ADGRB3: variants seen among roughly 807,000 people sequenced by gnomAD.
The protein encoded by ADGRB3 is adhesion G protein-coupled receptor B3, also known as brain-specific angiogenesis inhibitor 3.
ADGRB3 carries 37 observed loss-of-function variants against 193.4 expected under a neutral mutation model. That is an observed-to-expected ratio of 0.19 (90% confidence interval 0.15 to 0.25). The LOEUF (loss-of-function observed/expected upper bound fraction) is 0.25. ADGRB3 is among the 10% of genes least tolerant of loss of function. The probability of loss-of-function intolerance (pLI) is 1.00; values close to 1 mark genes in which losing one functional copy is unlikely to be tolerated. For missense variants in ADGRB3, 1,637 were observed against 1,852.9 expected (o/e 0.88, Z 2.14); for synonymous variants, 690 against 644.2 (o/e 1.07, Z -1.08).
At chr6:68,991,121 T>C (rs1277990117) in intron 10 of ADGRB3, among the ~76,000 whole-genome samples, 1 of 152,136 alleles carries the variant, frequency 6.6e-6, no homozygotes, top group Non-Finnish European at 1.5e-5. Context: ...AGGTAGTGTG[T>C]TTGTCTCATG....
intron 8 of ADGRB3, among the ~76,000 whole-genome samples, chr6:68,969,634 C>G (rs1447045756): frequency 6.6e-6 from 1 of 152,142 alleles, no homozygotes; most frequent in Non-Finnish European, 1.5e-5. Flanking sequence ...TGGAGGAGAA[C>G]AGTACCACTT....
At chr6:69,226,168 G>A (rs1289268693) in intron 17 of ADGRB3, among the ~76,000 whole-genome samples, 1 of 152,160 alleles carries the variant, frequency 6.6e-6, no homozygotes, top group Non-Finnish European at 1.5e-5. Context: ...TGACACAAAA[G>A]CAGTGACACT....
At chr6:68,799,847 G>A (rs1767278930) in intron 3 of ADGRB3, among the ~76,000 whole-genome samples, 1 of 152,288 alleles carries the variant, frequency 6.6e-6, no homozygotes, top group African/African-American at 2.4e-5. Flanking sequence ...AATAATCTTA[G>A]CATGCAGTAG....
At position 69,297,406 on chromosome 6, in the gene ADGRB3, C is replaced by CTATA. The variant is rs1289730081; in HGVS notation, c.2815-27465_2815-27464insATAT. ...TCTCTCTCTCTATCTCTCTCTCTCT[C>CTATA]TCTCTATATATATATATATATGCTT... On this transcript the variant is annotated intron_variant, in intron 20 of 31. Coordinates refer to ENST00000370598, the MANE Select transcript of ADGRB3 (RefSeq NM_001704.3). Among the ~76,000 whole-genome samples the CTATA allele has an allele frequency of 1.0e-3, 145 of 144,158 alleles. 1 individual carries two copies. Among genetic ancestry groups the CTATA allele is most frequent in the South Asian group, 2.4e-3 (11 of 4,538 alleles). 94.6% of individuals were successfully genotyped at this position (144,158 alleles called of 152,430 possible).
At chr6:69,279,954 C>T (rs1285539659) in intron 20 of ADGRB3, among the ~76,000 whole-genome samples, 3 of 152,168 alleles carry the variant, frequency 2.0e-5, no homozygotes, top group East Asian at 1.9e-4. Context: ...AAGCCTCCTA[C>T]TGCTTTCAGC....
chr6:69,141,128 T>TGG (rs1554153879), intron 17 of ADGRB3, among the ~76,000 whole-genome samples: 3 of 121,566 alleles, frequency 2.5e-5, no homozygotes, highest in Non-Finnish European at 3.6e-5. Flanking sequence ...TCTTTTTTTT[T>TGG]GGGGGGGGCG....
At chr6:68,776,816 C>G (rs1034557855) in intron 3 of ADGRB3, among the ~76,000 whole-genome samples, 1 of 152,098 alleles carries the variant, frequency 6.6e-6, no homozygotes, top group African/African-American at 2.4e-5. Flanking sequence ...TATTAATCTT[C>G]TTTAATTTTC....
In ADGRB3 at chr6:68,782,320, G is replaced by T. The variant is rs180680180; in HGVS notation, c.757+142888G>T. ...CATGAACTCATCATTTTTTATGGCT[G>T]CATAGTATTCCATGGTGTATATGTG... is the stretch of plus-strand genomic sequence containing the variant. On this transcript the variant is annotated intron_variant, in intron 3 of 31. Coordinates refer to ENST00000370598, the MANE Select transcript of ADGRB3 (RefSeq NM_001704.3). Among the ~76,000 whole-genome samples the T allele has an allele frequency of 2.0e-3, 299 of 151,824 alleles. 2 individuals are homozygous for T. Among genetic ancestry groups the T allele is most frequent in the Admixed American group, 0.011 (168 of 15,246 alleles).
At chr6:68,777,318 A>C (rs937523303) in intron 3 of ADGRB3, among the ~76,000 whole-genome samples, 3 of 152,152 alleles carry the variant, frequency 2.0e-5, no homozygotes, top group African/African-American at 7.2e-5. Context: ...TTCAAACGTC[A>C]ACATTTTGGT....
intron 28 of ADGRB3, among the ~76,000 whole-genome samples, chr6:69,359,222 T>C (rs936832632): frequency 1.3e-5 from 2 of 151,864 alleles, no homozygotes; most frequent in African/African-American, 4.8e-5. Flanking sequence ...TTGGAGATTT[T>C]TTTTAAGTAT....
intron 20 of ADGRB3, among the ~76,000 whole-genome samples, chr6:69,313,698 G>C (rs1473184641): frequency 1.3e-5 from 2 of 151,706 alleles, no homozygotes; most frequent in Non-Finnish European, 2.9e-5. Flanking sequence ...AGAACATAGT[G>C]TAAATCAGTT....
At chr6:68,971,016 G>C (rs1259144044) in intron 8 of ADGRB3, among the ~76,000 whole-genome samples, 1 of 152,194 alleles carries the variant, frequency 6.6e-6, no homozygotes. Context: ...AGCTTCACCT[G>C]AGATTTCTTT....
chr6:68,843,137 C>T lies in ADGRB3; in HGVS notation c.758-87422C>T, dbSNP rs183463976. ...ATCTGAAACATGATAAGGATGCGCACTTTCACTACTGTCATTCAATATAGT... is the reference window on the plus strand; with the variant it reads ...ATCTGAAACATGATAAGGATGCGCATTTTCACTACTGTCATTCAATATAGT... On this transcript the variant is annotated intron_variant, in intron 3 of 31. Coordinates refer to ENST00000370598, the MANE Select transcript of ADGRB3 (RefSeq NM_001704.3). Among the ~76,000 whole-genome samples the T allele has an allele frequency of 5.2e-3, 790 of 151,548 alleles. 7 individuals are homozygous for T. The highest frequency in any genetic ancestry group is 0.018 in the African/African-American group (742 of 41,386).
intron 16 of ADGRB3, among the ~76,000 whole-genome samples, chr6:69,063,789 T>A (rs1333556363): frequency 6.6e-6 from 1 of 152,032 alleles, no homozygotes; most frequent in East Asian, 1.9e-4. Context: ...AAATTTTCAA[T>A]GTCTACTTAT....
chr6:69,292,241 G>A, intron 20 of ADGRB3, among the ~76,000 whole-genome samples: 1 of 151,934 alleles, frequency 6.6e-6, no homozygotes, highest in East Asian at 1.9e-4. Flanking sequence ...ACTTCCTCAG[G>A]ACAGATAGAA....
chr6:68,774,817 T>G (rs1167383572), intron 3 of ADGRB3, among the ~76,000 whole-genome samples: 1 of 152,100 alleles, frequency 6.6e-6, no homozygotes, highest in Non-Finnish European at 1.5e-5. Context: ...AGTAAGATTC[T>G]ATCAATAAGT....
chr6:68,700,738 G>A (rs560536050), intron 3 of ADGRB3, among the ~76,000 whole-genome samples: 2 of 147,242 alleles, frequency 1.4e-5, no homozygotes, highest in African/African-American at 5.0e-5. Context: ...GCCAAACACC[G>A]CATGTTCTCA....
At chr6:68,649,174 G>A (rs1768287551) in intron 3 of ADGRB3, among the ~76,000 whole-genome samples, 1 of 152,056 alleles carries the variant, frequency 6.6e-6, no homozygotes, top group Admixed American at 6.6e-5. Context: ...TCCCTCTTAT[G>A]TCTGGAGTAC....
intron 13 of ADGRB3, among the ~76,000 whole-genome samples, chr6:69,020,456 T>C (rs1770230621): frequency 6.6e-6 from 1 of 152,098 alleles, no homozygotes; most frequent in African/African-American, 2.4e-5. Flanking sequence ...ACCAAGCTTG[T>C]ATATTTGAAA....
Sources: gnomAD v4.1 joint callset for allele counts (sites outside exome capture counted in the v4.1 genomes callset) on GRCh38, gnomAD v4.1.1 for gene constraint, MANE v1.5 for transcripts, NCBI Gene and HGNC (gene_info 2026-07-23, HGNC 2026-07-21) for gene names.